SANBR: variants seen among roughly 807,000 people sequenced by gnomAD.
The protein encoded by SANBR is SANT and BTB domain regulator of class switch recombination.
SANBR carries 77 observed loss-of-function variants against 101.8 expected under a neutral mutation model. The observed-to-expected ratio is 0.76, with a 90% CI of 0.63 to 0.91. The LOEUF is 0.91. SANBR is among the 40% of genes least tolerant of loss of function. The pLI is 0.00. For missense variants in SANBR, 875 were observed against 853.0 expected (o/e 1.03, Z -0.32); for synonymous variants, 279 against 274.7 (o/e 1.02, Z -0.15).
chr2:61,113,628 A>C (rs1297194129), intron 16 of SANBR, among the ~76,000 whole-genome samples: 2 of 152,212 alleles, frequency 1.3e-5, no homozygotes, highest in African/African-American at 4.8e-5. Flanking sequence ...AATACTAATG[A>C]TGGTCAAAAT....
At position 61,073,488 on chromosome 2, in the gene SANBR, G is replaced by T. The variant is rs1448433107; in HGVS notation, c.368G>T (p.Cys123Phe). The change falls in exon 5 of 22, where the codon TGT becomes TTT. Residue 123 changes from cysteine (C) to phenylalanine (F), a missense_variant. By Grantham distance (205) the Cys-to-Phe change is radical (BLOSUM62 -2). Coordinates refer to ENST00000402291, the MANE Select transcript of SANBR (RefSeq NM_001129993.3). ...CATAGTATAGCTTCCACAAGGAATT[G>T]TTCTTCAGAAAGTGAAAATTGTACT... ...GRHSIASTRN[C>F]SSESENCTTH... is the part of the protein sequence containing the mutation. The T allele has an allele frequency of 3.8e-6, 6 of 1,577,572 alleles. No individual in the cohort carries two copies. Among genetic ancestry groups the T allele is most frequent in the Non-Finnish European group, 5.2e-6 (6 of 1,154,910 alleles).
intron 11 of SANBR, among the ~76,000 whole-genome samples, chr2:61,096,072 A>C (rs1164511380): frequency 6.6e-6 from 1 of 152,068 alleles, no homozygotes; most frequent in African/African-American, 2.4e-5. Flanking sequence ...GGTATTTCTT[A>C]CAAACTTTCT....
Position 61,115,973 on chromosome 2 carries a change from T to C in SANBR, c.1745-6T>C, listed in dbSNP as rs2104959762. 18 of 1,592,618 alleles carry C rather than the reference T, an allele frequency of 1.1e-5. No homozygotes were observed. The highest frequency in any genetic ancestry group is 1.5e-5 in the Non-Finnish European group (17 of 1,164,990). On this transcript the variant is annotated splice_polypyrimidine_tract_variant and splice_region_variant and intron_variant, in intron 16 of 21. Coordinates refer to ENST00000402291, the MANE Select transcript of SANBR (RefSeq NM_001129993.3). The stretch of plus-strand genomic sequence containing the variant: ...TAAGTTTATAACATTGTCTTCTCAT[T>C]ATCAGGGAAAAAGGAGAAGCCAAAG...
chr2:61,116,032 T>C lies in SANBR; in HGVS notation c.1798T>C (p.Ser600Pro), dbSNP rs777064003. 6.2e-7 allele frequency: 1 copy of C among 1,612,474 alleles called. No homozygotes were observed. Among genetic ancestry groups the C allele is most frequent in the Non-Finnish European group, 8.5e-7 (1 of 1,179,460 alleles). Residue 600 changes from serine to proline, a missense_variant, in exon 17 of 22, where the codon TCA becomes CCA. Coordinates refer to ENST00000402291, the MANE Select transcript of SANBR (RefSeq NM_001129993.3). ...TAGACAACCAAAAAAGCAGGTATCT[T>C]CACCCTGTGCCCAGAGGAAAGAAAA... ...FTRQPKKQVS[S>P]PCAQRKEKAL...
At chr2:61,088,931 C>T in intron 10 of SANBR, 1 of 891,846 alleles carries the variant, frequency 1.1e-6, no homozygotes. Context: ...TAGAAAAATA[C>T]TTTCTAAACA....
At chr2:61,072,449 C>T (rs1415094626) in intron 4 of SANBR, among the ~76,000 whole-genome samples, 2 of 152,046 alleles carry the variant, frequency 1.3e-5, no homozygotes, top group Non-Finnish European at 2.9e-5. Context: ...GGATGGTGCA[C>T]ACCTGTGATC....
chr2:61,116,701 T>C (rs1036177965), intron 17 of SANBR, among the ~76,000 whole-genome samples: 1 of 152,140 alleles, frequency 6.6e-6, no homozygotes, highest in African/African-American at 2.4e-5. Context: ...GGACACATTG[T>C]ACATTCATCT....
At chr2:61,087,718 A>G (rs921574069) in intron 8 of SANBR, among the ~76,000 whole-genome samples, 2 of 151,942 alleles carry the variant, frequency 1.3e-5, no homozygotes, top group African/African-American at 2.4e-5. Context: ...GGGCATGGTC[A>G]TGCACACCTG....
rs1253620298 is a variant in SANBR at position 61,103,849 on chromosome 2, A to G, written c.1366-4A>G. 2.5e-6 allele frequency: 4 copies of G among 1,613,646 alleles called. No homozygotes were observed. The highest frequency in any genetic ancestry group is 3.4e-6 in the Non-Finnish European group (4 of 1,179,758). ...CCTCTAATTTATTGTCTCTTATGTG[A>G]CAGGGCTGTAAAGTGAGGGACCACA... On this transcript the variant is annotated splice_polypyrimidine_tract_variant and splice_region_variant and intron_variant, in intron 12 of 21. Coordinates refer to ENST00000402291, the MANE Select transcript of SANBR (RefSeq NM_001129993.3).
chr2:61,127,963 AAGAAGCAAG>A (rs1402909386), downstream of SANBR, among the ~76,000 whole-genome samples: 1 of 152,202 alleles, frequency 6.6e-6, no homozygotes, highest in Non-Finnish European at 1.5e-5. Flanking sequence ...GAAAAGCTTG[AAGAAGCAAG>A]AGAAAAATCC....
At chr2:61,098,371 C>T (rs868797446) in intron 12 of SANBR, among the ~76,000 whole-genome samples, 5 of 152,032 alleles carry the variant, frequency 3.3e-5, no homozygotes, top group African/African-American at 7.2e-5. Flanking sequence ...CCCAGAGTGC[C>T]GGGATTACAG....
intron 15 of SANBR, 125 bp from the exon 16 acceptor site, chr2:61,109,072 C>T (rs1406116537): frequency 2.2e-6 from 1 of 454,858 alleles, no homozygotes; most frequent in East Asian, 3.5e-5. Flanking sequence ...ATTGTGCTAG[C>T]CAGAGGTTAT....
At chr2:61,066,808 A>G (rs1278059595) in intron 1 of SANBR, among the ~76,000 whole-genome samples, 3 of 152,202 alleles carry the variant, frequency 2.0e-5, no homozygotes, top group Admixed American at 6.5e-5. Flanking sequence ...TTCTTAATTA[A>G]TACATGTATA....
intron 6 of SANBR, 124 bp from the exon 7 acceptor site, chr2:61,081,328 T>G (rs1682112595): frequency 1.1e-6 from 1 of 948,990 alleles, no homozygotes; most frequent in African/African-American, 1.8e-5. Flanking sequence ...ACCCATAAGC[T>G]ATAATAAGAT....
At chr2:61,121,157 A>G (rs760180687) in intron 20 of SANBR, 28 bp from the exon 21 acceptor site, 1 of 1,436,570 alleles carries the variant, frequency 7.0e-7, no homozygotes, top group South Asian at 1.2e-5. Context: ...TTCTGTGAAG[A>G]TAACAGTATT....
chr2:61,109,024 G>A (rs1683696436), intron 15 of SANBR, among the ~76,000 whole-genome samples, 173 bp from the exon 16 acceptor site: 1 of 152,166 alleles, frequency 6.6e-6, no homozygotes, highest in Admixed American at 6.5e-5. Flanking sequence ...ATGTAAGCCT[G>A]CTCCAAATAT....
At chr2:61,114,974 G>A (rs1265579349) in intron 16 of SANBR, among the ~76,000 whole-genome samples, 2 of 152,084 alleles carry the variant, frequency 1.3e-5, no homozygotes, top group Non-Finnish European at 2.9e-5. Context: ...CTAATATTTT[G>A]TTAAGGATTT....
At chr2:61,129,478 T>C (rs1684619208) in intron 20 of SANBR, among the ~76,000 whole-genome samples, 1 of 150,714 alleles carries the variant, frequency 6.6e-6, no homozygotes, top group Non-Finnish European at 1.5e-5. Context: ...TTATTGAGGC[T>C]GAAACAAATG....
chr2:61,103,827 CTAAT>C, intron 12 of SANBR, 22 bp from the exon 13 acceptor site: 2 of 1,609,158 alleles, frequency 1.2e-6, no homozygotes, highest in South Asian at 1.1e-5. Context: ...AAACTAACCT[CTAAT>C]TTATTGTCTC....
Sources: allele counts gnomAD v4.1 joint callset (sites outside exome capture counted in the v4.1 genomes callset), GRCh38; gene constraint gnomAD v4.1.1; transcripts MANE v1.5; gene names NCBI Gene and HGNC (gene_info 2026-07-23, HGNC 2026-07-21).